The following TRHDE variants were observed in gnomAD, a reference collection of about 807,000 sequenced individuals.
The protein encoded by TRHDE is thyrotropin releasing hormone degrading enzyme.
In TRHDE, 72 loss-of-function variants were observed where a neutral mutation model predicts 125.7. The observed-to-expected ratio is 0.57, with a 90% CI of 0.47 to 0.70. The LOEUF (loss-of-function observed/expected upper bound fraction) is 0.70, where lower values mean the gene tolerates loss of function less well. Among genes scored for constraint, TRHDE ranks in the 30% least tolerant of loss-of-function variants. The pLI is 0.00. For synonymous variants in TRHDE, 509 were observed against 509.1 expected (o/e 1.00, Z 0.00); for missense variants, 1,110 against 1,327.1 (o/e 0.84, Z 2.54).
chr12:72,640,429 G>C lies in TRHDE; in HGVS notation c.2676-11893G>C, dbSNP rs1199927167. 3.3e-5 allele frequency among the ~76,000 whole-genome samples: 5 copies of C among 152,220 alleles called. No individual in the cohort carries two copies. The South Asian group carries it at 8.3e-4, about 25-fold the overall frequency. On this transcript the variant is annotated intron_variant, in intron 15 of 18. Coordinates refer to ENST00000261180, the MANE Select transcript of TRHDE (RefSeq NM_013381.3). Reference sequence around the variant, plus strand: ...TGGCACTTCCTAGTGAGATGAACCCGGTACCTCAGATGGAAATGCAGAAAT... The same window carrying C: ...TGGCACTTCCTAGTGAGATGAACCCCGTACCTCAGATGGAAATGCAGAAAT...
chr12:72,273,611 C>T lies in TRHDE; in HGVS notation c.914+54C>T. ...CCCCACCCCGGCGCGCGGCTCGAAC[C>T]TCTGGGCGGCCTGCGACCCCGGGGA... On this transcript the variant is annotated intron_variant, in intron 1 of 18. Coordinates refer to ENST00000261180, the MANE Select transcript of TRHDE (RefSeq NM_013381.3). This position sits in a 1 kb window ranked among gnomAD's most constrained non-coding sequence, Gnocchi z 5.3. 9 of 1,505,840 alleles carry T rather than the reference C, an allele frequency of 6.0e-6. No homozygotes were observed. The highest frequency in any genetic ancestry group is 8.0e-6 in the Non-Finnish European group (9 of 1,124,440). The allele number at this position is 1,505,840 out of a possible 1,614,324, so 93.3% of individuals were successfully genotyped here. A position where few individuals can be genotyped will look rare whatever the true frequency, so the allele number is the denominator to read the frequency against.
At chr12:72,376,377 G>A (rs1256920014) in intron 2 of TRHDE, among the ~76,000 whole-genome samples, 1 of 152,038 alleles carries the variant, frequency 6.6e-6, no homozygotes, top group African/African-American at 2.4e-5. Context: ...TTCAGATATT[G>A]CATGTTTGTT....
At chr12:72,614,889 A>C (rs935861011) in intron 12 of TRHDE, among the ~76,000 whole-genome samples, 1 of 152,140 alleles carries the variant, frequency 6.6e-6, no homozygotes, top group African/African-American at 2.4e-5. Flanking sequence ...AGGTCAGAGC[A>C]TTTCAACATC....
At chr12:72,542,797 T>G (rs1869219265) in intron 7 of TRHDE, among the ~76,000 whole-genome samples, 1 of 151,280 alleles carries the variant, frequency 6.6e-6, no homozygotes, top group African/African-American at 2.4e-5. Context: ...TATACATAGA[T>G]TATTTGTTCC....
chr12:72,475,780 TAAC>T (rs1478718308), intron 5 of TRHDE, among the ~76,000 whole-genome samples: 6 of 152,158 alleles, frequency 3.9e-5, no homozygotes, highest in Non-Finnish European at 4.4e-5. Context: ...AAATGAAAAC[TAAC>T]AACAGAATAA....
chr12:72,436,924 A>C (rs1450225937), intron 3 of TRHDE, among the ~76,000 whole-genome samples: 4 of 151,822 alleles, frequency 2.6e-5, no homozygotes, highest in African/African-American at 9.7e-5. Flanking sequence ...CTACATATTA[A>C]ATTTATATTC....
chr12:72,458,519 G>A (rs1441310924), intron 3 of TRHDE, among the ~76,000 whole-genome samples: 3 of 151,986 alleles, frequency 2.0e-5, no homozygotes, highest in Admixed American at 6.6e-5. Context: ...CATTGGTCAT[G>A]GTCTCCTCCC....
At chr12:72,450,065 C>A (rs1025859934) in intron 3 of TRHDE, among the ~76,000 whole-genome samples, 1 of 151,930 alleles carries the variant, frequency 6.6e-6, no homozygotes, top group African/African-American at 2.4e-5. Context: ...CCTGTTTCCA[C>A]CTCTGAAATC....
chr12:72,131,142 A>G (rs1267488258), intron 2 of TRHDE, among the ~76,000 whole-genome samples: 3 of 133,388 alleles, frequency 2.2e-5, no homozygotes, highest in Non-Finnish European at 4.6e-5. Context: ...CGCGATTTCG[A>G]CTCACTGAAA....
chr12:72,343,263 G>A (rs928171524), intron 2 of TRHDE, among the ~76,000 whole-genome samples: 9 of 151,154 alleles, frequency 6.0e-5, no homozygotes, highest in East Asian at 2.0e-4. Context: ...CCCCCACCCC[G>A]CCCCTGTGCA....
chr12:72,241,878 G>C (rs11179129), intron 2 of TRHDE, among the ~76,000 whole-genome samples: 64,767 of 151,790 alleles, frequency 0.43, 14,931 homozygotes, highest in Non-Finnish European at 0.52. Flanking sequence ...CTGGTCTCTT[G>C]TCATGGTTTT....
chr12:72,180,158 G>T (rs61924316), intron 2 of TRHDE, among the ~76,000 whole-genome samples: 3 of 151,234 alleles, frequency 2.0e-5, no homozygotes, highest in Non-Finnish European at 3.0e-5. Context: ...TATGTATTAG[G>T]GTACTAAGTT....
chr12:72,563,492 T>C (rs1870283402), intron 9 of TRHDE, among the ~76,000 whole-genome samples: 2 of 152,156 alleles, frequency 1.3e-5, no homozygotes, highest in Admixed American at 1.3e-4. Context: ...TTTAAAACGA[T>C]ACCTTAAAAT....
intron 2 of TRHDE, among the ~76,000 whole-genome samples, chr12:72,197,567 A>C (rs1176300421): frequency 2.6e-5 from 4 of 152,240 alleles, no homozygotes; most frequent in Admixed American, 6.5e-5. Context: ...TTTTGGACTT[A>C]AGGTAAAATC....
At chr12:72,224,970 A>G (rs2139370788) in intron 2 of TRHDE, among the ~76,000 whole-genome samples, 1 of 152,252 alleles carries the variant, frequency 6.6e-6, no homozygotes, top group Admixed American at 6.5e-5. Context: ...ATTTATTAAT[A>G]CTGGATCTAA....
chr12:72,239,893 T>C (rs1449251272), intron 2 of TRHDE, among the ~76,000 whole-genome samples: 1 of 152,134 alleles, frequency 6.6e-6, no homozygotes, highest in Non-Finnish European at 1.5e-5. Context: ...AAAATGAACT[T>C]TGTCTGTCCT....
chr12:72,316,368 G>A (rs1409091623), intron 2 of TRHDE, among the ~76,000 whole-genome samples: 1 of 152,070 alleles, frequency 6.6e-6, no homozygotes, highest in Non-Finnish European at 1.5e-5. Flanking sequence ...GCAACATAGG[G>A]TATAGCTAAT....
intron 3 of TRHDE, among the ~76,000 whole-genome samples, chr12:72,440,659 G>C (rs992839307): frequency 6.6e-6 from 1 of 151,880 alleles, no homozygotes; most frequent in Non-Finnish European, 1.5e-5. Context: ...GGTACAAAGA[G>C]ATTAAACAGT....
At chr12:72,621,520 C>T (rs1873050845) in intron 14 of TRHDE, 124 bp from the exon 15 acceptor site, 2 of 715,862 alleles carry the variant, frequency 2.8e-6, no homozygotes, top group African/African-American at 1.8e-5. Context: ...GTGACTTTTA[C>T]TCAGCAGCAT....
Sources: allele counts gnomAD v4.1 joint callset (sites outside exome capture counted in the v4.1 genomes callset), GRCh38; gene constraint gnomAD v4.1.1; non-coding constraint Gnocchi (gnomAD v3.1); transcripts MANE v1.5; gene names NCBI Gene and HGNC (gene_info 2026-07-23, HGNC 2026-07-21).